The following CRB1 variants were observed in gnomAD, a reference collection of about 807,000 sequenced individuals.
CRB1 encodes protein crumbs homolog 1.
CRB1 carries 83 observed loss-of-function variants against 120.0 expected under a neutral mutation model. The ratio of observed to expected loss-of-function variants is 0.69; its 90% CI spans 0.58 to 0.83. The LOEUF (loss-of-function observed/expected upper bound fraction) is 0.83. CRB1 is among the 40% of genes least tolerant of loss of function. CRB1 has a pLI of 0.00. For missense variants in CRB1, 1,699 were observed against 1,687.6 expected (o/e 1.01, Z -0.12); for synonymous variants, 625 against 612.5 (o/e 1.02, Z -0.30).
At chr1:197,253,847 C>T in the CRB1 span, among the ~76,000 whole-genome samples, 12 of 152,022 alleles carry the variant, frequency 7.9e-5, no homozygotes, top group African/African-American at 2.9e-4. Flanking sequence ...AGCTTTTGTG[C>T]TGATAGCTTC....
chr1:197,396,446 AT>A (rs961558056), intron 5 of CRB1, among the ~76,000 whole-genome samples: 21 of 151,606 alleles, frequency 1.4e-4, no homozygotes, highest in Middle Eastern at 6.9e-3. Flanking sequence ...TATCAATAGG[AT>A]TTTTTTTTGT....
chr1:197,454,275 TAC>T (rs1374998609), intron 11 of CRB1, among the ~76,000 whole-genome samples: 1 of 2,656 alleles, frequency 3.8e-4, no homozygotes. Context: ...TTTAAAAAGT[TAC>T]TTACTTAAGA....
chr1:197,471,132 A>G (rs1339802651), intron 11 of CRB1, among the ~76,000 whole-genome samples: 1 of 151,982 alleles, frequency 6.6e-6, no homozygotes, highest in Non-Finnish European at 1.5e-5. Context: ...AAATCATATC[A>G]GAAGGTTCCC....
chr1:197,223,137 G>T, the CRB1 span: 1 of 884,660 alleles, frequency 1.1e-6, no homozygotes, highest in Non-Finnish European at 1.9e-6. Flanking sequence ...ATGATACTTT[G>T]GATAATGATT....
At chr1:197,262,262 A>G in the CRB1 span, among the ~76,000 whole-genome samples, 1 of 152,186 alleles carries the variant, frequency 6.6e-6, no homozygotes. Flanking sequence ...TTGTATCTCC[A>G]GAACCTACTA....
At chr1:197,411,727 T>G (rs554191215) in intron 5 of CRB1, among the ~76,000 whole-genome samples, 2 of 152,334 alleles carry the variant, frequency 1.3e-5, no homozygotes, top group East Asian at 3.9e-4. Context: ...AAGGTTTGTG[T>G]ATAAGTATAT....
chr1:197,368,811 G>GA (rs1558087446), intron 5 of CRB1, among the ~76,000 whole-genome samples: 1 of 152,164 alleles, frequency 6.6e-6, no homozygotes, highest in East Asian at 1.9e-4. Flanking sequence ...ATACGTATTA[G>GA]AAAAAATTTC....
chr1:197,445,623 C>T (rs1413591610), intron 11 of CRB1, among the ~76,000 whole-genome samples: 1 of 152,086 alleles, frequency 6.6e-6, no homozygotes, highest in East Asian at 1.9e-4. Context: ...AACTGTTAAG[C>T]TTTAATTTTG....
intron 1 of CRB1, among the ~76,000 whole-genome samples, chr1:197,309,663 A>G (rs1312907471): frequency 3.3e-5 from 5 of 152,034 alleles, no homozygotes. Flanking sequence ...CTGAGGCAGG[A>G]GAATGGCATG....
chr1:197,344,414 C>T lies in CRB1; in HGVS notation c.786C>T (p.Asn262=). The part of the protein sequence containing the change: ...PGFLGDHCEL[N]TDECASQPCL... ...TCCTGGGGGATCACTGTGAACTCAA[C>T]ACTGATGAGTGTGCCAGTCAACCTT... The change falls in exon 3 of 12, where the codon AAC becomes AAT. Residue 262 remains asparagine (N), a synonymous_variant. Coordinates refer to ENST00000367400, the MANE Select transcript of CRB1 (RefSeq NM_201253.3). 1 of 1,614,098 alleles carries T rather than the reference C, an allele frequency of 6.2e-7. No individual in the cohort carries two copies. Among genetic ancestry groups the T allele is most frequent in the Non-Finnish European group, 8.5e-7 (1 of 1,180,014 alleles).
rs186819089 is a variant in CRB1 at position 197,449,427 on chromosome 1, C to T, written c.4005+7135C>T. Among the ~76,000 whole-genome samples, 919 of 152,078 alleles carry T rather than the reference C, an allele frequency of 6.0e-3. 4 individuals carry two copies. Among genetic ancestry groups the T allele is most frequent in the Non-Finnish European group, 0.01 (702 of 67,988 alleles). On this transcript the variant is annotated intron_variant, in intron 11 of 11. Coordinates refer to ENST00000367400, the MANE Select transcript of CRB1 (RefSeq NM_201253.3). ...TGTCGCCCAGGCTGGAGTGCAGTGG[C>T]GCAATCTCGGCTCACTGCAAGCTCC...
At chr1:197,429,042 G>C in intron 7 of CRB1, 1 of 1,497,726 alleles carries the variant, frequency 6.7e-7, no homozygotes, top group Non-Finnish European at 9.0e-7. Flanking sequence ...AAGTTTCACT[G>C]TTTCGCTTCT....
At chr1:197,271,678 C>G (rs1429080805) in intron 1 of CRB1, among the ~76,000 whole-genome samples, 1 of 152,116 alleles carries the variant, frequency 6.6e-6, no homozygotes, top group Non-Finnish European at 1.5e-5. Context: ...TCCTGTGATC[C>G]ATTATTCAGA....
At chr1:197,249,244 T>TGTA in the CRB1 span, among the ~76,000 whole-genome samples, 1 of 151,978 alleles carries the variant, frequency 6.6e-6, no homozygotes, top group African/African-American at 2.4e-5. Context: ...AGTGCTCCAT[T>TGTA]AAATATACAG....
At chr1:197,346,353 T>G (rs1171669645) in intron 3 of CRB1, among the ~76,000 whole-genome samples, 2 of 152,118 alleles carry the variant, frequency 1.3e-5, no homozygotes, top group Admixed American at 6.5e-5. Context: ...TCTAATTCCG[T>G]GAGGTCCACT....
chr1:197,441,474 G>T (rs972184577), intron 10 of CRB1: 1 of 152,104 alleles, frequency 6.6e-6, no homozygotes, highest in African/African-American at 2.4e-5. Flanking sequence ...TTTGGCTTTT[G>T]AAAGTCATTC....
intron 4 of CRB1, among the ~76,000 whole-genome samples, chr1:197,356,335 A>G (rs1284393167): frequency 6.6e-6 from 1 of 152,224 alleles, no homozygotes; most frequent in Non-Finnish European, 1.5e-5. Flanking sequence ...TCCTGGTCCT[A>G]ATAAAATAAT....
At chr1:197,321,028 ATTCCCAT>A (rs1377720512) in intron 1 of CRB1, among the ~76,000 whole-genome samples, 1 of 152,220 alleles carries the variant, frequency 6.6e-6, no homozygotes, top group East Asian at 1.9e-4. Flanking sequence ...AGTACAAGCT[ATTCCCAT>A]TTCCCTGGTG....
intron 1 of CRB1, among the ~76,000 whole-genome samples, chr1:197,295,707 T>A (rs878907875): frequency 6.6e-6 from 1 of 152,042 alleles, no homozygotes; most frequent in Non-Finnish European, 1.5e-5. Context: ...TCCACCCACA[T>A]GATTAAGATT....
Sources: gnomAD v4.1 joint callset for allele counts (sites outside exome capture counted in the v4.1 genomes callset) on GRCh38, gnomAD v4.1.1 for gene constraint, MANE v1.5 for transcripts, NCBI Gene and HGNC (gene_info 2026-07-23, HGNC 2026-07-21) for gene names.